NANS: variants seen among roughly 807,000 people sequenced by gnomAD.
The protein encoded by NANS is N-acetylneuraminate synthase.
A neutral mutation model predicts 33.3 loss-of-function variants in NANS; 29 were observed. That is an observed-to-expected ratio of 0.87 (90% confidence interval 0.65 to 1.19). The LOEUF is 1.19. Among genes scored for constraint, NANS ranks in the 50% most tolerant of loss-of-function variants. The pLI is 0.00. For missense variants in NANS, 394 were observed against 461.1 expected (o/e 0.85, Z 1.33); for synonymous variants, 163 against 177.2 (o/e 0.92, Z 0.64).
intron 2 of NANS, among the ~76,000 whole-genome samples, chr9:98,065,833 G>A (rs146953323): frequency 1.3e-5 from 2 of 151,944 alleles, no homozygotes; most frequent in Non-Finnish European, 2.9e-5. Flanking sequence ...AGATCTGATG[G>A]GTTTATCAGG....
intron 3 of NANS, 161 bp from the exon 4 acceptor site, chr9:98,078,032 C>A: frequency 9.6e-7 from 1 of 1,042,852 alleles, no homozygotes; most frequent in Non-Finnish European, 1.4e-6. Context: ...AGGGCAGGAA[C>A]CCAACAAGCT....
intron 2 of NANS, among the ~76,000 whole-genome samples, chr9:98,073,558 C>T (rs1353179971): frequency 6.6e-6 from 1 of 150,892 alleles, no homozygotes; most frequent in Non-Finnish European, 1.5e-5. Context: ...GCTGGGATTA[C>T]AGGCGTGAGC....
At chr9:98,077,498 C>T (rs1039709215) in intron 3 of NANS, among the ~76,000 whole-genome samples, 4 of 151,914 alleles carry the variant, frequency 2.6e-5, no homozygotes, top group African/African-American at 9.7e-5. Context: ...GTGTGAGCCA[C>T]TGCACCTGTC....
chr9:98,072,871 T>C (rs888437709), intron 2 of NANS, among the ~76,000 whole-genome samples: 3 of 152,202 alleles, frequency 2.0e-5, no homozygotes, highest in African/African-American at 7.2e-5. Flanking sequence ...ATTGAATGCA[T>C]ATTTTCTCCA....
Position 98,056,884 on chromosome 9 carries a change from G to C in NANS, c.76G>C (p.Gly26Arg). Residue 26 changes from glycine (G) to arginine (R), a missense_variant, in exon 1 of 6, where the codon GGC becomes CGC. Transcript: ENST00000210444. Reference protein sequence around the residue: ...QHPCFIIAEIGQNHQGDLDVA... With the variant: ...QHPCFIIAEIRQNHQGDLDVA... ...CCCGTGCTTCATCATTGCCGAGATCGGCCAGAACCACCAGGGCGACCTGGA... is the reference window on the plus strand; with the variant it reads ...CCCGTGCTTCATCATTGCCGAGATCCGCCAGAACCACCAGGGCGACCTGGA... 1 of 1,611,382 alleles carries C rather than the reference G, an allele frequency of 6.2e-7. No homozygotes were observed. Among genetic ancestry groups the C allele is most frequent in the Admixed American group, 1.7e-5 (1 of 59,930 alleles).
chr9:98,068,238 G>A (rs933852094), intron 2 of NANS, among the ~76,000 whole-genome samples: 4 of 152,006 alleles, frequency 2.6e-5, no homozygotes, highest in African/African-American at 7.2e-5. Flanking sequence ...GGGTTCAAGC[G>A]ATTCTCATGC....
chr9:98,056,916 C>T lies in NANS; in HGVS notation c.108C>T (p.Ala36=). The T allele has an allele frequency of 2.5e-6, 4 of 1,608,424 alleles. No individual in the cohort carries two copies. Among genetic ancestry groups the T allele is most frequent in the Non-Finnish European group, 3.4e-6 (4 of 1,177,796 alleles). ...GQNHQGDLDV[A]KRMIRMAKEC... ...ACCACCAGGGCGACCTGGACGTAGC[C>T]AAGCGCATGATCCGCATGGCCAAGG... Residue 36 remains alanine (A), a synonymous_variant, in exon 1 of 6, where the codon GCC becomes GCT. Transcript: ENST00000210444.
At chr9:98,061,792 AT>A (rs1050644755) in intron 2 of NANS, among the ~76,000 whole-genome samples, 3 of 151,220 alleles carry the variant, frequency 2.0e-5, no homozygotes, top group African/African-American at 7.3e-5. Context: ...AAAAAAAAAA[AT>A]TAATAATAAT....
chr9:98,076,809 C>G, intron 2 of NANS, 109 bp from the exon 3 acceptor site: 1 of 825,060 alleles, frequency 1.2e-6, no homozygotes, highest in Non-Finnish European at 1.9e-6. Flanking sequence ...GAGCGTCCCT[C>G]TACTGCCTAA....
Position 98,064,724 on chromosome 9 carries a change from G to T in NANS, c.348+3727G>T, listed in dbSNP as rs140836250. On this transcript the variant is annotated intron_variant, in intron 2 of 5. Coordinates refer to ENST00000210444, the MANE Select transcript of NANS (RefSeq NM_018946.4). Reference sequence around the variant, plus strand: ...TAGGAAATGGGTCTTAAAGGTAGCAGATCTGATGCCTAGAGCAGTATGCTT... The same window carrying T: ...TAGGAAATGGGTCTTAAAGGTAGCATATCTGATGCCTAGAGCAGTATGCTT... 4.3e-3 allele frequency among the ~76,000 whole-genome samples: 652 copies of T among 152,322 alleles called. 8 individuals are homozygous for T. The highest frequency in any genetic ancestry group is 0.014 in the African/African-American group (581 of 41,558).
intron 2 of NANS, among the ~76,000 whole-genome samples, chr9:98,068,976 TA>T (rs1332890586): frequency 6.6e-6 from 1 of 152,216 alleles, no homozygotes; most frequent in Non-Finnish European, 1.5e-5. Context: ...TAAACAGCTT[TA>T]TTGGGACATA....
intron 1 of NANS, among the ~76,000 whole-genome samples, chr9:98,057,525 AC>A (rs1828860863): frequency 3.9e-5 from 6 of 152,220 alleles, no homozygotes; most frequent in Admixed American, 3.9e-4. Context: ...GCCTCCGTGA[AC>A]CCTTTTCCCC....
intron 2 of NANS, 21 bp from the exon 3 acceptor site, chr9:98,076,895 AGC>A: frequency 6.3e-7 from 1 of 1,578,252 alleles, no homozygotes; most frequent in Non-Finnish European, 8.7e-7. Flanking sequence ...GGTGAAAAGG[AGC>A]TCCCTCTTTG....
At chr9:98,080,697 G>T in intron 4 of NANS, 119 bp from the exon 5 acceptor site, 1 of 1,120,000 alleles carries the variant, frequency 8.9e-7, no homozygotes. Context: ...TCAGTATCTT[G>T]CCCCTGGCTG....
Position 98,060,803 on chromosome 9 carries a change from A to C in NANS, c.154A>C (p.Lys52Gln). ...MAKECGADCA[K>Q]FQKSELEFKF... ...GTAGGAGTGTGGGGCTGATTGTGCT[A>C]AGTTCCAGAAGAGTGAGCTAGAATT... is the stretch of plus-strand genomic sequence containing the variant. The change falls in exon 2 of 6, where the codon AAG (lysine) becomes CAG (glutamine). Residue 52 changes from lysine (K) to glutamine (Q), a missense_variant. Transcript: ENST00000210444. The C allele has an allele frequency of 6.2e-7, 1 of 1,614,190 alleles. No individual in the cohort carries two copies. The highest frequency in any genetic ancestry group is 8.5e-7 in the Non-Finnish European group (1 of 1,180,012).
intron 5 of NANS, chr9:98,081,987 A>G (rs951755368): frequency 6.6e-6 from 1 of 152,066 alleles, no homozygotes; most frequent in South Asian, 2.1e-4. Flanking sequence ...ACAGTAAAAC[A>G]TAACAGGATG....
chr9:98,067,653 T>A (rs1336939386), intron 2 of NANS, among the ~76,000 whole-genome samples: 1 of 152,230 alleles, frequency 6.6e-6, no homozygotes, highest in Non-Finnish European at 1.5e-5. Flanking sequence ...TTATATATTT[T>A]AAGTACAAGT....
chr9:98,072,809 A>C lies in NANS; in HGVS notation c.349-4109A>C, dbSNP rs1213012544. ...GTTCCTTGTTCTGTATTTACCTAGC[A>C]AGTGGCTCCCAGTGTTTACCTACCC... is the stretch of plus-strand genomic sequence containing the variant. On this transcript the variant is annotated intron_variant, in intron 2 of 5. Transcript: ENST00000210444. Among the ~76,000 whole-genome samples the C allele has an allele frequency of 2.0e-5, 3 of 152,124 alleles. No homozygotes were observed. In the East Asian group the frequency reaches 5.8e-4, roughly 29 times the overall value.
At chr9:98,081,370 C>T (rs1280953100) in intron 5 of NANS, 3 of 423,412 alleles carry the variant, frequency 7.1e-6, no homozygotes, top group Non-Finnish European at 1.3e-5. Context: ...GGCCCCAGTA[C>T]TCCTAGACTC....
Sources: allele counts gnomAD v4.1 joint callset (sites outside exome capture counted in the v4.1 genomes callset), GRCh38; gene constraint gnomAD v4.1.1; transcripts MANE v1.5; gene names NCBI Gene and HGNC (gene_info 2026-07-23, HGNC 2026-07-21).